The following ATP7B variants were observed in gnomAD, a reference collection of about 807,000 sequenced individuals.
ATP7B encodes copper-transporting ATPase 2.
Under a neutral mutation model 118.9 loss-of-function variants are expected in ATP7B, and 113 were observed. That is an observed-to-expected ratio of 0.95 (90% CI 0.82 to 1.11). ATP7B has a LOEUF of 1.11. Ranked by LOEUF, ATP7B falls within the 50% of genes most tolerant of loss-of-function variation. The pLI is 0.00. For missense variants in ATP7B, 1,867 were observed against 1,871.4 expected, an observed-to-expected ratio of 1.00 and a Z score of 0.04; for synonymous variants, 777 against 727.4, an observed-to-expected ratio of 1.07 and a Z score of -1.10.
At chr13:51,952,014 G>T (rs78339514) in intron 9 of ATP7B, among the ~76,000 whole-genome samples, 1 of 152,200 alleles carries the variant, frequency 6.6e-6, no homozygotes, top group Non-Finnish European at 1.5e-5. Flanking sequence ...GAGAGAGCAC[G>T]CAGTGAGAAG....
chr13:51,951,156 G>A (rs1428936907), intron 9 of ATP7B, among the ~76,000 whole-genome samples: 1 of 152,026 alleles, frequency 6.6e-6, no homozygotes, highest in Admixed American at 6.6e-5. Context: ...CCAAGCGGAA[G>A]ATGGAAGTAA....
chr13:51,972,224 T>G (rs1951875773), intron 2 of ATP7B, among the ~76,000 whole-genome samples: 1 of 152,068 alleles, frequency 6.6e-6, no homozygotes, highest in African/African-American at 2.4e-5. Context: ...GCTCCCACCT[T>G]CCCAGGGTCC....
intron 2 of ATP7B, among the ~76,000 whole-genome samples, chr13:51,973,021 A>T (rs9568681): frequency 0.4 from 60,860 of 151,860 alleles, 13,494 homozygotes; most frequent in East Asian, 0.54. Context: ...AAATTAAAAA[A>T]TTTTTTAATT....
Position 51,961,893 on chromosome 13 carries a change from G to A in ATP7B, c.1890C>T (p.Ser630=). Residue 630 remains serine, a synonymous_variant, in exon 6 of 21, where the codon TCC becomes TCT. Transcript: ENST00000242839. ...KIIEEIGFHA[S]LAQRNPNAHH... The stretch of plus-strand genomic sequence containing the variant: ...GAGCGTTGGGGTTTCTCTGGGCCAG[G>A]GAAGCATGAAAGCCAATTTCCTTGT... 6.2e-7 allele frequency: 1 copy of A among 1,614,034 alleles called. No individual in the cohort carries two copies. The highest frequency in any genetic ancestry group is 8.5e-7 in the Non-Finnish European group (1 of 1,179,942).
intron 9 of ATP7B, 51 bp downstream of exon 9, chr13:51,957,465 A>G (rs1175548856): frequency 6.5e-7 from 1 of 1,548,900 alleles, no homozygotes; most frequent in East Asian, 2.2e-5. Flanking sequence ...GATGCAGCTC[A>G]CACAGATTGA....
intron 13 of ATP7B, 59 bp downstream of exon 13, chr13:51,946,225 A>C: frequency 1.3e-6 from 2 of 1,538,682 alleles, no homozygotes; most frequent in Non-Finnish European, 1.8e-6. Flanking sequence ...TCAATGTGAA[A>C]TAGTAAACAG....
At chr13:51,981,171 AG>A (rs1952399069) in intron 1 of ATP7B, among the ~76,000 whole-genome samples, 2 of 152,318 alleles carry the variant, frequency 1.3e-5, no homozygotes, top group Non-Finnish European at 2.9e-5. Flanking sequence ...GAAATCCGAG[AG>A]GCTCTGTATT....
intron 9 of ATP7B, 32 bp downstream of exon 9, chr13:51,957,484 A>T (rs1272151143): frequency 1.3e-6 from 2 of 1,592,680 alleles, no homozygotes; most frequent in Non-Finnish European, 1.7e-6. Flanking sequence ...GATAGATACC[A>T]ACCACAAAGA....
chr13:51,970,593 G>A lies in ATP7B; in HGVS notation c.1442C>T (p.Ser481Leu). The A allele has an allele frequency of 6.2e-7, 1 of 1,614,122 alleles. No individual in the cohort carries two copies. Among genetic ancestry groups the A allele is most frequent in the Non-Finnish European group, 8.5e-7 (1 of 1,180,020 alleles). Reference protein sequence around the residue: ...APDILAKSPQSTRAVAPQKCF... With the variant: ...APDILAKSPQLTRAVAPQKCF... ...CTTCTGCGGTGCCACTGCTCTGGTT[G>A]ATTGTGGGGACTTTGCCAAGATGTC... Residue 481 changes from serine (S) to leucine (L), a missense_variant, in exon 3 of 21, where the codon TCA (serine) becomes TTA (leucine). Transcript: ENST00000242839.
chr13:52,011,467 G>A (rs1954035453), upstream of ATP7B: 2 of 1,202,326 alleles, frequency 1.7e-6, no homozygotes, highest in Non-Finnish European at 2.4e-6. Context: ...GGCGCGGCTC[G>A]GCTCTAAAGC....
chr13:52,005,656 T>C (rs1362886866), intron 1 of ATP7B, among the ~76,000 whole-genome samples: 1 of 152,232 alleles, frequency 6.6e-6, no homozygotes, highest in Non-Finnish European at 1.5e-5. Context: ...TAATCCTTAA[T>C]GCTTAGTTTA....
rs532430868 is a variant in ATP7B at position 51,986,636 on chromosome 13, C to T, written c.52-11468G>A. Among the ~76,000 whole-genome samples the T allele has an allele frequency of 2.6e-5, 4 of 152,308 alleles. No individual in the cohort carries two copies. The South Asian group carries it at 8.3e-4, about 32-fold the overall frequency. On this transcript the variant is annotated intron_variant, in intron 1 of 20. Transcript: ENST00000242839. ...AAAAAAGAAAATTTCAGGCCAATAT[C>T]CCTGATGAACATCGATGCAAAAATT...
At position 51,946,448 on chromosome 13, in the gene ATP7B, C is replaced by A; in HGVS notation, c.2896G>T (p.Val966Leu). ...NPNKHISQTE[V>L]IIRFAFQTSI... Reference sequence around the variant, plus strand: ...GTCTGGAAAGCAAACCGGATGATCACCTCTGTCTGGGAGATGTGCTTGTTG... The same window carrying A: ...GTCTGGAAAGCAAACCGGATGATCAACTCTGTCTGGGAGATGTGCTTGTTG... The change falls in exon 13 of 21, where the codon GTG (valine) becomes TTG (leucine). Residue 966 changes from valine (V) to leucine (L), a missense_variant. By Grantham distance (32) the Val-to-Leu change is conservative (BLOSUM62 1). Coordinates refer to ENST00000242839, the MANE Select transcript of ATP7B (RefSeq NM_000053.4). The A allele has an allele frequency of 6.2e-7, 1 of 1,614,206 alleles. No homozygotes were observed. The highest frequency in any genetic ancestry group is 8.5e-7 in the Non-Finnish European group (1 of 1,180,042).
At chr13:51,939,268 T>C (rs1382184538) in intron 16 of ATP7B, 75 bp from the exon 17 acceptor site, 3 of 1,590,162 alleles carry the variant, frequency 1.9e-6, no homozygotes, top group Non-Finnish European at 2.6e-6. Context: ...CTTGCAATGT[T>C]CTCATCATAT....
At chr13:51,945,977 A>G (rs937797809) in intron 13 of ATP7B, among the ~76,000 whole-genome samples, 3 of 152,206 alleles carry the variant, frequency 2.0e-5, no homozygotes, top group Non-Finnish European at 4.4e-5. Flanking sequence ...GGTTAGCTGC[A>G]GGCGTTTGGT....
At chr13:51,959,378 A>T (rs979098890) in intron 7 of ATP7B, 3 of 152,730 alleles carry the variant, frequency 2.0e-5, no homozygotes, top group African/African-American at 7.3e-5. Flanking sequence ...GCATGGTGGC[A>T]GGCGCTTGTG....
In ATP7B at chr13:51,946,432, G is replaced by C. The variant is rs770340441; in HGVS notation, c.2912C>G (p.Ala971Gly). The change falls in exon 13 of 21, where the codon GCT becomes GGT. Residue 971 changes from alanine (A) to glycine (G), a missense_variant. Physicochemically the swap from Ala to Gly is moderately conservative, Grantham distance 60 (BLOSUM62 0). Transcript: ENST00000242839. Reference sequence around the variant, plus strand: ...CAGCACCGTGATGGACGTCTGGAAAGCAAACCGGATGATCACCTCTGTCTG... The same window carrying C: ...CAGCACCGTGATGGACGTCTGGAAACCAAACCGGATGATCACCTCTGTCTG... ...ISQTEVIIRFAFQTSITVLCI... is the reference protein window; with the variant it reads ...ISQTEVIIRFGFQTSITVLCI... 6.2e-7 allele frequency: 1 copy of C among 1,614,224 alleles called. No individual in the cohort carries two copies. The highest frequency in any genetic ancestry group is 1.7e-5 in the Admixed American group (1 of 60,032).
At chr13:51,938,327 C>A (rs561782355) in intron 17 of ATP7B, among the ~76,000 whole-genome samples, 6 of 152,322 alleles carry the variant, frequency 3.9e-5, no homozygotes, top group Admixed American at 1.3e-4. Flanking sequence ...GCAGACCCCC[C>A]TTCACTCCTC....
chr13:51,940,086 C>T (rs1206879564), intron 16 of ATP7B, among the ~76,000 whole-genome samples: 4 of 142,084 alleles, frequency 2.8e-5, no homozygotes, highest in African/African-American at 1.0e-4. Flanking sequence ...GATCTTGGCT[C>T]ACCACAACCT....
Sources: allele counts gnomAD v4.1 joint callset (sites outside exome capture counted in the v4.1 genomes callset), GRCh38; gene constraint gnomAD v4.1.1; transcripts MANE v1.5; gene names NCBI Gene and HGNC (gene_info 2026-07-23, HGNC 2026-07-21).